IQGAP1: variants seen among roughly 807,000 people sequenced by gnomAD.
IQGAP1 encodes IQ motif containing GTPase activating protein 1, also known as ras GTPase-activating-like protein IQGAP1.
IQGAP1 carries 66 observed loss-of-function variants against 215.6 expected under a neutral mutation model. That is an observed-to-expected ratio of 0.31 (90% CI 0.25 to 0.38). IQGAP1 has a LOEUF of 0.38. Among genes scored for constraint, IQGAP1 ranks in the 10% least tolerant of loss-of-function variants. IQGAP1 has a pLI of 1.00. For missense variants in IQGAP1, 1,712 were observed against 1,997.1 expected (o/e 0.86, Z 2.72); for synonymous variants, 772 against 728.7 (o/e 1.06, Z -0.96).
At chr15:90,410,776 TGGC>T (rs1217932564) in intron 2 of IQGAP1, among the ~76,000 whole-genome samples, 2 of 149,638 alleles carry the variant, frequency 1.3e-5, no homozygotes, top group African/African-American at 2.5e-5. Context: ...CACACCAACA[TGGC>T]ACGTGTATAC....
At chr15:90,488,876 T>G (rs1181195384) in intron 33 of IQGAP1, among the ~76,000 whole-genome samples, 2 of 152,100 alleles carry the variant, frequency 1.3e-5, no homozygotes, top group Non-Finnish European at 2.9e-5. Context: ...TAGTGAGAAA[T>G]AAAACATGAG....
chr15:90,398,343 A>T (rs182636549), intron 2 of IQGAP1, among the ~76,000 whole-genome samples: 217 of 152,258 alleles, frequency 1.4e-3, no homozygotes, highest in African/African-American at 5.0e-3. Flanking sequence ...GAAACAGAAG[A>T]TACTTCTAGG....
intron 2 of IQGAP1, among the ~76,000 whole-genome samples, chr15:90,423,461 G>T (rs868535816): frequency 6.6e-6 from 1 of 152,070 alleles, no homozygotes; most frequent in Non-Finnish European, 1.5e-5. Flanking sequence ...TGGAACTCCT[G>T]ACCTCAAGTG....
intron 9 of IQGAP1, among the ~76,000 whole-genome samples, chr15:90,444,273 GTGTGTGTATA>G (rs1208230680): frequency 1.1e-4 from 13 of 115,182 alleles, no homozygotes; most frequent in African/African-American, 4.1e-4. Context: ...GTGTGTGTGT[GTGTGTGTATA>G]TATATATTTT....
intron 29 of IQGAP1, among the ~76,000 whole-genome samples, chr15:90,483,924 T>G (rs745574810): frequency 6.6e-6 from 1 of 152,234 alleles, no homozygotes; most frequent in Non-Finnish European, 1.5e-5. Context: ...AATTCAGTGC[T>G]TCAGAGCACT....
intron 31 of IQGAP1, 84 bp from the exon 32 acceptor site, chr15:90,486,870 T>C (rs1216224970): frequency 5.9e-6 from 8 of 1,356,312 alleles, no homozygotes; most frequent in Non-Finnish European, 7.2e-6. Context: ...ATCTTAGACT[T>C]GCATCATCTT....
At chr15:90,454,691 T>C (rs761930101) in intron 14 of IQGAP1, 139 bp downstream of exon 14, 44 of 938,380 alleles carry the variant, frequency 4.7e-5, no homozygotes, top group African/African-American at 2.1e-4. Flanking sequence ...AAGGCTAAAG[T>C]TGGATATTGT....
At chr15:90,407,253 T>G (rs77488554) in intron 2 of IQGAP1, among the ~76,000 whole-genome samples, 4,151 of 152,300 alleles carry the variant, frequency 0.027, 156 homozygotes, top group African/African-American at 0.091. Context: ...CTACCAATTA[T>G]GATCTATGAA....
chr15:90,395,991 A>AC (rs1964713404), intron 2 of IQGAP1, among the ~76,000 whole-genome samples: 1 of 152,178 alleles, frequency 6.6e-6, no homozygotes, highest in South Asian at 2.1e-4. Context: ...GGAATAGGGC[A>AC]CACCCCTCTT....
intron 10 of IQGAP1, among the ~76,000 whole-genome samples, 197 bp downstream of exon 10, chr15:90,448,933 A>G (rs773726698): frequency 1.3e-5 from 2 of 152,142 alleles, no homozygotes; most frequent in Non-Finnish European, 2.9e-5. Context: ...AGAGCTATGA[A>G]TCCTCTTTTA....
At chr15:90,433,696 CT>C in intron 4 of IQGAP1, 22 bp from the exon 5 acceptor site, 1 of 1,392,762 alleles carries the variant, frequency 7.2e-7, no homozygotes, top group African/African-American at 1.4e-5. Flanking sequence ...ATATCTTACT[CT>C]GTTTCTTTTA....
In IQGAP1 at chr15:90,474,286, A is replaced by G. The variant is rs146367371; in HGVS notation, c.2575+153A>G. 5.0e-5 allele frequency: 39 copies of G among 781,902 alleles called. No individual in the cohort carries two copies. In the East Asian group the frequency reaches 9.8e-4, roughly 20 times the overall value. The allele number at this position is 781,902 out of a possible 1,614,324, so 48.4% of individuals were successfully genotyped here. On this transcript the variant is annotated intron_variant, in intron 22 of 37. Transcript: ENST00000268182. ...TAAGCCCCTTTGCTAACATGTGGCT[A>G]GGTGTCTTGTTGGCTTGTTGCATTA...
intron 2 of IQGAP1, among the ~76,000 whole-genome samples, chr15:90,418,192 A>T (rs1265709973): frequency 6.6e-6 from 1 of 152,154 alleles, no homozygotes; most frequent in African/African-American, 2.4e-5. Context: ...CTGAATGAAT[A>T]CGTGGGTGTC....
chr15:90,416,864 G>T (rs949785921), intron 2 of IQGAP1, among the ~76,000 whole-genome samples: 1 of 151,998 alleles, frequency 6.6e-6, no homozygotes, highest in Non-Finnish European at 1.5e-5. Flanking sequence ...GACGTGAGCC[G>T]CTGTGCCCAG....
chr15:90,460,954 G>A (rs1171591867), intron 15 of IQGAP1, among the ~76,000 whole-genome samples: 2 of 139,852 alleles, frequency 1.4e-5, no homozygotes, highest in Non-Finnish European at 3.0e-5. Context: ...AGCCAAGATT[G>A]CACCACTGCA....
intron 27 of IQGAP1, 24 bp downstream of exon 27, chr15:90,482,124 C>A (rs1300802725): frequency 1.2e-6 from 2 of 1,614,178 alleles, no homozygotes; most frequent in Non-Finnish European, 1.7e-6. Flanking sequence ...GTTGTCATGA[C>A]CCCCAGTAGA....
chr15:90,461,088 C>T (rs1011181634), intron 15 of IQGAP1, among the ~76,000 whole-genome samples: 4 of 151,804 alleles, frequency 2.6e-5, no homozygotes, highest in African/African-American at 9.7e-5. Flanking sequence ...GGGCAGATCA[C>T]CTGTGGTCAG....
intron 28 of IQGAP1, 122 bp from the exon 29 acceptor site, chr15:90,483,239 A>G: frequency 3.0e-6 from 2 of 670,570 alleles, no homozygotes; most frequent in Non-Finnish European, 5.3e-6. Flanking sequence ...GTGTATATGT[A>G]TTTTTTATTT....
At chr15:90,430,047 A>G (rs1213736260) in intron 4 of IQGAP1, among the ~76,000 whole-genome samples, 1 of 152,246 alleles carries the variant, frequency 6.6e-6, no homozygotes, top group East Asian at 1.9e-4. Flanking sequence ...CTTTGGAAAT[A>G]TAAGGAAATA....
Sources: allele counts gnomAD v4.1 joint callset (sites outside exome capture counted in the v4.1 genomes callset), GRCh38; gene constraint gnomAD v4.1.1; transcripts MANE v1.5; gene names NCBI Gene and HGNC (gene_info 2026-07-23, HGNC 2026-07-21).